CCDC178: variants seen among roughly 807,000 people sequenced by gnomAD.
The protein encoded by CCDC178 is coiled-coil domain-containing protein 178.
Under a neutral mutation model 117.4 loss-of-function variants are expected in CCDC178, and 126 were observed. That is an observed-to-expected ratio of 1.07 (90% confidence interval 0.93 to 1.24). CCDC178 has a LOEUF of 1.24. Among genes scored for constraint, CCDC178 ranks in the 50% most tolerant of loss-of-function variants. CCDC178 has a pLI of 0.00. For missense variants in CCDC178, 1,030 were observed against 986.9 expected (o/e 1.04, Z -0.59); for synonymous variants, 283 against 313.4 (o/e 0.90, Z 1.02).
chr18:33,310,280 T>C (rs1019007105), intron 11 of CCDC178, among the ~76,000 whole-genome samples: 1 of 152,098 alleles, frequency 6.6e-6, no homozygotes, highest in African/African-American at 2.4e-5. Flanking sequence ...CTAAAAGAGA[T>C]AGTATAGGAC....
At chr18:33,326,899 A>C (rs2062592474) in intron 10 of CCDC178, among the ~76,000 whole-genome samples, 1 of 152,060 alleles carries the variant, frequency 6.6e-6, no homozygotes, top group Non-Finnish European at 1.5e-5. Flanking sequence ...CAATTAGCCC[A>C]AAGTATCAGT....
chr18:33,016,378 A>G (rs2055989921), intron 21 of CCDC178, among the ~76,000 whole-genome samples: 1 of 152,046 alleles, frequency 6.6e-6, no homozygotes, highest in African/African-American at 2.4e-5. Context: ...TCTGCTCTAA[A>G]GAGTGCTCCT....
intron 6 of CCDC178, among the ~76,000 whole-genome samples, chr18:33,368,042 C>A (rs1030102975): frequency 8.6e-5 from 13 of 151,934 alleles, no homozygotes; most frequent in Non-Finnish European, 1.8e-4. Flanking sequence ...GAATTAAGTT[C>A]TCTCCAAGGA....
intron 21 of CCDC178, among the ~76,000 whole-genome samples, chr18:33,087,664 A>C (rs1402184576): frequency 6.6e-6 from 1 of 151,874 alleles, no homozygotes; most frequent in East Asian, 1.9e-4. Flanking sequence ...AGGGTCTTCA[A>C]ATAGCTGTTA....
chr18:33,021,745 T>C (rs1480255676), intron 21 of CCDC178, among the ~76,000 whole-genome samples: 1 of 151,944 alleles, frequency 6.6e-6, no homozygotes, highest in African/African-American at 2.4e-5. Flanking sequence ...GTGACTGACA[T>C]TTCTCAGCAT....
chr18:33,030,673 GTAGA>G (rs1322642522), intron 21 of CCDC178, among the ~76,000 whole-genome samples: 1 of 151,084 alleles, frequency 6.6e-6, no homozygotes, highest in African/African-American at 2.4e-5. Context: ...AGATAAGAAG[GTAGA>G]TAGATGTAGA....
intron 9 of CCDC178, among the ~76,000 whole-genome samples, chr18:33,335,407 C>CAGTT (rs1395249847): frequency 1.3e-5 from 2 of 151,866 alleles, no homozygotes; most frequent in East Asian, 3.9e-4. Context: ...ACCAATTAGA[C>CAGTT]AGTTAGATTT....
chr18:32,957,283 G>A (rs1374854732), intron 22 of CCDC178, among the ~76,000 whole-genome samples: 1 of 152,194 alleles, frequency 6.6e-6, no homozygotes, highest in Non-Finnish European at 1.5e-5. Context: ...AAGCCTAGGA[G>A]ATAAAAATTT....
At chr18:33,389,410 T>C in intron 5 of CCDC178, 130 bp downstream of exon 5, 2 of 371,662 alleles carry the variant, frequency 5.4e-6, no homozygotes, top group Non-Finnish European at 9.7e-6. Context: ...ATTATATATA[T>C]TTACTATGTT....
At chr18:33,005,473 G>C (rs1211050274) in intron 21 of CCDC178, among the ~76,000 whole-genome samples, 1 of 151,890 alleles carries the variant, frequency 6.6e-6, no homozygotes, top group South Asian at 2.1e-4. Context: ...GAAGGTTATT[G>C]GGCATGGGGA....
chr18:33,285,190 G>A (rs2144843239), intron 12 of CCDC178, among the ~76,000 whole-genome samples: 1 of 151,974 alleles, frequency 6.6e-6, no homozygotes, highest in Admixed American at 6.6e-5. Flanking sequence ...ATGGAAGCAA[G>A]CATTCCGCGT....
intron 4 of CCDC178, among the ~76,000 whole-genome samples, chr18:33,396,750 C>T (rs930868967): frequency 6.6e-6 from 1 of 152,078 alleles, no homozygotes; most frequent in African/African-American, 2.4e-5. Flanking sequence ...ATTAGCACCA[C>T]AAAAGCCCAG....
intron 15 of CCDC178, among the ~76,000 whole-genome samples, chr18:33,228,135 T>C (rs2059329918): frequency 6.6e-6 from 1 of 152,166 alleles, no homozygotes; most frequent in Non-Finnish European, 1.5e-5. Context: ...GAGAAAAGAC[T>C]TGGTGAATGA....
intron 15 of CCDC178, among the ~76,000 whole-genome samples, chr18:33,229,077 G>A (rs80041185): frequency 0.088 from 13,403 of 152,142 alleles, 702 homozygotes; most frequent in African/African-American, 0.15. Flanking sequence ...TAAGTTTAGT[G>A]TATAGGATAC....
At chr18:33,339,177 C>G (rs1485898526) in intron 9 of CCDC178, among the ~76,000 whole-genome samples, 1 of 151,752 alleles carries the variant, frequency 6.6e-6, no homozygotes, top group South Asian at 2.1e-4. Flanking sequence ...ATCAAAGCAT[C>G]TAATTTATAA....
In CCDC178 at chr18:33,335,842, T is replaced by C. The variant is rs2062732366; in HGVS notation, c.659-2448A>G. ...TTTGAGTAAAATTATGTGGTCTGCTTCTACTGATTCATACCCATTGAACCT... is the reference window on the plus strand; with the variant it reads ...TTTGAGTAAAATTATGTGGTCTGCTCCTACTGATTCATACCCATTGAACCT... On this transcript the variant is annotated intron_variant, in intron 9 of 22. Coordinates refer to ENST00000383096, the MANE Select transcript of CCDC178 (RefSeq NM_001105528.4). Among the ~76,000 whole-genome samples, 5 of 152,218 alleles carry C rather than the reference T, an allele frequency of 3.3e-5. No homozygotes were observed. The South Asian group carries it at 1.0e-3, about 32-fold the overall frequency.
At chr18:33,278,191 G>C (rs1253587589) in intron 12 of CCDC178, among the ~76,000 whole-genome samples, 2 of 149,644 alleles carry the variant, frequency 1.3e-5, no homozygotes, top group Non-Finnish European at 3.0e-5. Context: ...TGAAACTAAA[G>C]AAAGAAATCA....
chr18:32,978,176 C>T (rs2055066250), intron 21 of CCDC178, among the ~76,000 whole-genome samples: 1 of 137,056 alleles, frequency 7.3e-6, no homozygotes, highest in Admixed American at 7.7e-5. Context: ...TAAGGATCAA[C>T]TAAGAAAGAG....
At chr18:33,294,956 C>G (rs929312539) in intron 11 of CCDC178, among the ~76,000 whole-genome samples, 1 of 152,118 alleles carries the variant, frequency 6.6e-6, no homozygotes, top group African/African-American at 2.4e-5. Context: ...GCAGTTTATA[C>G]TATGCTTGTC....
Sources: gnomAD v4.1 joint callset for allele counts (sites outside exome capture counted in the v4.1 genomes callset) on GRCh38, gnomAD v4.1.1 for gene constraint, MANE v1.5 for transcripts, NCBI Gene and HGNC (gene_info 2026-07-23, HGNC 2026-07-21) for gene names.